Variants in FMO5 observed in about 807,000 individuals in gnomAD.
The protein encoded by FMO5 is flavin-containing monooxygenase 5.
FMO5 carries 51 observed loss-of-function variants against 43.6 expected under a neutral mutation model. That is an observed-to-expected ratio of 1.17 (90% CI 0.93 to 1.48). The LOEUF is 1.48. Among genes scored for constraint, FMO5 ranks in the 40% most tolerant of loss-of-function variants. The pLI is 0.00. For missense variants in FMO5, 644 were observed against 643.0 expected, an observed-to-expected ratio of 1.00 and a Z score of -0.02; for synonymous variants, 187 against 216.5, an observed-to-expected ratio of 0.86 and a Z score of 1.20.
intron 6 of FMO5, chr1:147,205,018 A>G (rs1571279406): frequency 2.7e-6 from 2 of 740,480 alleles, no homozygotes; most frequent in East Asian, 5.1e-5. Context: ...ACCTGGAGAT[A>G]CATTCAGTCA....
At chr1:147,184,976 A>G (rs1655490976), downstream of FMO5, among the ~76,000 whole-genome samples, 1 of 131,202 alleles carries the variant, frequency 7.6e-6, no homozygotes, top group Non-Finnish European at 1.8e-5. The surrounding 1 kb of genome is among the most constrained non-coding windows in gnomAD (Gnocchi z 4.4). Context: ...CACTACAAGA[A>G]TATATATATA....
chr1:147,201,424 A>G lies in FMO5; in HGVS notation c.911T>C (p.Val304Ala), dbSNP rs782258305. 1 of 1,614,096 alleles carries G rather than the reference A, an allele frequency of 6.2e-7. No homozygotes were observed. The highest frequency in any genetic ancestry group is 1.7e-5 in the Admixed American group (1 of 60,016). ...GGCAGCTGTCTCCGTGAATTCCTTCACATTTCCTTTCACTTTCACCAAGCC... is the reference window on the plus strand; with the variant it reads ...GGCAGCTGTCTCCGTGAATTCCTTCGCATTTCCTTTCACTTTCACCAAGCC... ...ISGLVKVKGN[V>A]KEFTETAAIF... The change falls in exon 7 of 9, where the codon GTG becomes GCG. Residue 304 changes from valine to alanine, a missense_variant. By Grantham distance (64) the Val-to-Ala change is moderately conservative. Transcript: ENST00000254090.
At chr1:147,216,339 C>T (rs1210409486) in intron 2 of FMO5, among the ~76,000 whole-genome samples, 1 of 152,106 alleles carries the variant, frequency 6.6e-6, no homozygotes, top group Non-Finnish European at 1.5e-5. Flanking sequence ...ATGGCCAGTC[C>T]CCAAAAATTC....
upstream of FMO5, chr1:147,225,453 A>T (rs1244806497): frequency 6.0e-6 from 1 of 167,474 alleles, no homozygotes; most frequent in Non-Finnish European, 1.3e-5. Flanking sequence ...CCGCCCACTC[A>T]GCGGCACCCA....
intron 5 of FMO5, chr1:147,210,939 T>C (rs1553923627): frequency 2.0e-5 from 3 of 152,326 alleles, no homozygotes; most frequent in South Asian, 4.1e-4. Flanking sequence ...ACAAGAATTA[T>C]ACGAAAAACT....
chr1:147,185,991 ATACT>A (rs1478925812), downstream of FMO5, among the ~76,000 whole-genome samples: 8 of 152,218 alleles, frequency 5.3e-5, no homozygotes, highest in African/African-American at 1.9e-4. Context: ...ACTTGTTCAA[ATACT>A]TACTTAGACT....
rs377532301 is a variant in FMO5, at chr1:147,192,489, C to T, written c.1184-2240G>A. The stretch of plus-strand genomic sequence containing the variant: ...CAATTTGACTTCCTCTTTTCCTAAT[C>T]GAATACCCTTTATTTCCTTCTCCTG... On this transcript the variant is annotated intron_variant, in intron 7 of 8. Coordinates refer to ENST00000254090, the MANE Select transcript of FMO5 (RefSeq NM_001461.4). Among the ~76,000 whole-genome samples, 63 of 152,040 alleles carry T rather than the reference C, an allele frequency of 4.1e-4. 1 individual carries two copies. The highest frequency in any genetic ancestry group is 1.3e-3 in the African/African-American group (55 of 41,394).
chr1:147,224,330 G>A (rs587615291), intron 2 of FMO5: 1 of 172,616 alleles, frequency 5.8e-6, no homozygotes, highest in Non-Finnish European at 1.2e-5. Context: ...AAAGGTGAAA[G>A]AAGTTGCCAC....
chr1:147,186,993 T>C lies in FMO5; in HGVS notation c.1509A>G (p.Val503=). The change falls in exon 9 of 9, where the codon GTA becomes GTG. Residue 503 remains valine (V), a synonymous_variant. Coordinates refer to ENST00000254090, the MANE Select transcript of FMO5 (RefSeq NM_001461.4). ...AAGTCATAGAACTACTCCTTTCAAC[T>C]ACTCTTGTCATCAGAGGCTTCCTGA... ...DRIRKPLMTR[V]VERSSSMTST... The C allele has an allele frequency of 6.2e-7, 1 of 1,614,228 alleles. No homozygotes were observed. The highest frequency in any genetic ancestry group is 1.1e-5 in the South Asian group (1 of 91,088).
In FMO5 at chr1:147,225,302, G is replaced by T; in HGVS notation, c.-53C>A. 1.6e-6 allele frequency: 1 copy of T among 633,516 alleles called. No homozygotes were observed. Among genetic ancestry groups the T allele is most frequent in the South Asian group, 2.3e-5 (1 of 42,920 alleles). 39.2% of individuals were successfully genotyped at this position (633,516 alleles called of 1,614,324 possible). ...CGGATCTCACCGCCTTTCCTGAAGC[G>T]CTCAACAGATCCTTCAGCTGCGATC... On this transcript the variant is annotated 5_prime_UTR_variant, in exon 1 of 9. Coordinates refer to ENST00000254090, the MANE Select transcript of FMO5 (RefSeq NM_001461.4).
At chr1:147,207,795 A>G (rs1660355462) in intron 6 of FMO5, among the ~76,000 whole-genome samples, 2 of 152,272 alleles carry the variant, frequency 1.3e-5, no homozygotes, top group East Asian at 1.9e-4. Context: ...TCCCACCCTT[A>G]GGGCAAACTC....
chr1:147,190,394 T>C, intron 7 of FMO5, 145 bp from the exon 8 acceptor site: 1 of 566,084 alleles, frequency 1.8e-6, no homozygotes, highest in Non-Finnish European at 3.1e-6. Flanking sequence ...CTTGATCACC[T>C]TACCACCACC....
At position 147,186,958 on chromosome 1, in the gene FMO5, G is replaced by T; in HGVS notation, c.1544C>A (p.Thr515Lys). The T allele has an allele frequency of 5.6e-6, 9 of 1,614,160 alleles. No homozygotes were observed. Among genetic ancestry groups the T allele is most frequent in the Non-Finnish European group, 5.1e-6 (6 of 1,180,024 alleles). ...ERSSSMTSTM[T>K]IGKFMLALAF... ...AAGAGCTAGCATAAACTTGCCTATT[G>T]TCATTGTTGAAGTCATAGAACTACT... Residue 515 changes from threonine to lysine, a missense_variant, in exon 9 of 9, where the codon ACA becomes AAA. Physicochemically the swap from Thr to Lys is moderately conservative, Grantham distance 78. Transcript: ENST00000254090.
intron 2 of FMO5, among the ~76,000 whole-genome samples, chr1:147,218,792 A>G (rs1662472239): frequency 2.6e-5 from 4 of 152,140 alleles, no homozygotes; most frequent in Admixed American, 2.0e-4. Context: ...ACAACTTTAA[A>G]CCTTCGTAAA....
At position 147,201,353 on chromosome 1, in the gene FMO5, A is replaced by G. The variant is rs199667610; in HGVS notation, c.982T>C (p.Phe328Leu). ...SREDDIDAVI[F>L]ATGYSFDFPF... ...AAGTCAAAGCTATAGCCTGTGGCAA[A>G]GATAACAGCATCAATGTCATCCTCC... Residue 328 changes from phenylalanine (F) to leucine (L), a missense_variant, in exon 7 of 9, where the codon TTT (phenylalanine) becomes CTT (leucine). Physicochemically the swap from Phe to Leu is conservative, Grantham distance 22. Transcript: ENST00000254090. 2.5e-6 allele frequency: 4 copies of G among 1,614,212 alleles called. No homozygotes were observed. Among genetic ancestry groups the G allele is most frequent in the Admixed American group, 1.7e-5 (1 of 60,032 alleles).
At chr1:147,221,265 G>T (rs1360031285) in intron 2 of FMO5, among the ~76,000 whole-genome samples, 1 of 152,128 alleles carries the variant, frequency 6.6e-6, no homozygotes. Flanking sequence ...GAGTAAATCT[G>T]AATAAAGTAT....
Position 147,201,398 on chromosome 1 carries a change from T to C in FMO5, c.937A>G (p.Ile313Val), listed in dbSNP as rs587673087. Residue 313 changes from isoleucine (I) to valine (V), a missense_variant, in exon 7 of 9, where the codon ATA becomes GTA. Coordinates refer to ENST00000254090, the MANE Select transcript of FMO5 (RefSeq NM_001461.4). ...NVKEFTETAA[I>V]FEDGSREDDI... The stretch of plus-strand genomic sequence containing the variant: ...TCCTCCCTGGAGCCATCCTCAAATA[T>C]GGCAGCTGTCTCCGTGAATTCCTTC... 6.8e-6 allele frequency: 11 copies of C among 1,614,076 alleles called. No individual in the cohort carries two copies. The East Asian group carries it at 1.8e-4, about 26-fold the overall frequency.
At chr1:147,189,451 C>T (rs1553917949) in intron 8 of FMO5, among the ~76,000 whole-genome samples, 1 of 152,072 alleles carries the variant, frequency 6.6e-6, no homozygotes, top group Non-Finnish European at 1.5e-5. Context: ...CTTACTTTCT[C>T]CTCCTCCCAC....
intron 3 of FMO5, 121 bp downstream of exon 3, chr1:147,215,633 T>C: frequency 1.5e-6 from 1 of 656,680 alleles, no homozygotes; most frequent in Non-Finnish European, 2.6e-6. Context: ...TTTGCCTGGG[T>C]AGGATAAATA....
Sources: allele counts gnomAD v4.1 joint callset (sites outside exome capture counted in the v4.1 genomes callset), GRCh38; gene constraint gnomAD v4.1.1; non-coding constraint Gnocchi (gnomAD v3.1); transcripts MANE v1.5; gene names NCBI Gene and HGNC (gene_info 2026-07-23, HGNC 2026-07-21).